The following ZEB2 variants were observed in gnomAD, a reference collection of about 807,000 sequenced individuals.
ZEB2 encodes zinc finger E-box-binding homeobox 2.
ZEB2 carries 6 observed loss-of-function variants against 99.9 expected under a neutral mutation model. The observed-to-expected ratio is 0.06, with a 90% CI of 0.03 to 0.12. The LOEUF (loss-of-function observed/expected upper bound fraction) is 0.12, where lower values mean the gene tolerates loss of function less well. ZEB2 is among the 10% of genes least tolerant of loss of function. ZEB2 has a pLI of 1.00. For synonymous variants in ZEB2, 517 were observed against 542.5 expected, an observed-to-expected ratio of 0.95 and a Z score of 0.65; for missense variants, 969 against 1,502.8, an observed-to-expected ratio of 0.64 and a Z score of 5.87.
At chr2:144,511,323 C>T (rs1419339880) in intron 2 of ZEB2, 3 of 1,078,760 alleles carry the variant, frequency 2.8e-6, no homozygotes, top group Non-Finnish European at 3.5e-6. Context: ...TTCTTACCTC[C>T]TCAGAGGAAA....
intron 2 of ZEB2, among the ~76,000 whole-genome samples, chr2:144,471,935 T>A (rs977294866): frequency 5.9e-5 from 9 of 152,132 alleles, no homozygotes; most frequent in African/African-American, 2.2e-4. Context: ...CGTAAATTAT[T>A]AACAAGTCAG....
At chr2:144,418,815 T>C (rs1703579863) in intron 4 of ZEB2, among the ~76,000 whole-genome samples, 1 of 151,822 alleles carries the variant, frequency 6.6e-6, no homozygotes, top group African/African-American at 2.4e-5. Flanking sequence ...CACAATGGAC[T>C]TTGGGGAAAT....
intron 2 of ZEB2, among the ~76,000 whole-genome samples, chr2:144,449,460 A>C (rs1244577315): frequency 2.6e-5 from 4 of 152,242 alleles, no homozygotes; most frequent in Non-Finnish European, 5.9e-5. Context: ...CCTAAAAAAC[A>C]ACAATGCTAA....
chr2:144,400,068 C>A lies in ZEB2; in HGVS notation c.1119G>T (p.Leu373Phe). ...ACATACTAAGTGGTTTTCCATTCTCCAACTTGTTTCTTAACTGGGTAATGG... is the reference window on the plus strand; with the variant it reads ...ACATACTAAGTGGTTTTCCATTCTCAAACTTGTTTCTTAACTGGGTAATGG... Reference protein sequence around the residue: ...NSAITQLRNKLENGKPLSMSE... With the variant: ...NSAITQLRNKFENGKPLSMSE... The change falls in exon 8 of 10, where the codon TTG becomes TTT. Residue 373 changes from leucine (L) to phenylalanine (F), a missense_variant. Transcript: ENST00000627532. 1 of 1,613,458 alleles carries A rather than the reference C, an allele frequency of 6.2e-7. No homozygotes were observed. Among genetic ancestry groups the A allele is most frequent in the Non-Finnish European group, 8.5e-7 (1 of 1,179,378 alleles).
chr2:144,479,819 C>T (rs780445571), intron 2 of ZEB2, among the ~76,000 whole-genome samples: 45 of 152,096 alleles, frequency 3.0e-4, no homozygotes, highest in Non-Finnish European at 5.0e-4. Flanking sequence ...CCACGCTAAC[C>T]CCAGGGCTCA....
Position 144,406,419 on chromosome 2 carries a change from T to C in ZEB2, c.404-1395A>G, listed in dbSNP as rs1329685227. Among the ~76,000 whole-genome samples the C allele has an allele frequency of 2.0e-5, 3 of 152,156 alleles. No homozygotes were observed. In the East Asian group the frequency reaches 5.8e-4, roughly 29 times the overall value. On this transcript the variant is annotated intron_variant, in intron 4 of 9. Transcript: ENST00000627532. The stretch of plus-strand genomic sequence containing the variant: ...AGATAAGTATTATGAAAGAAAGTTA[T>C]ATGGTGGTATAAAAAAAGTAACACA...
At chr2:144,502,624 G>A (rs1704889914) in intron 2 of ZEB2, among the ~76,000 whole-genome samples, 1 of 152,166 alleles carries the variant, frequency 6.6e-6, no homozygotes, top group Non-Finnish European at 1.5e-5. Context: ...AAAACCTGAA[G>A]AGTGGAAAGA....
chr2:144,518,534 C>T (rs554444100), intron 1 of ZEB2: 1 of 152,348 alleles, frequency 6.6e-6, no homozygotes, highest in African/African-American at 2.4e-5. Flanking sequence ...CGCCCCACAC[C>T]TATTGTCTCC....
At chr2:144,394,750 GA>G (rs1703198493) in intron 9 of ZEB2, among the ~76,000 whole-genome samples, 1 of 152,052 alleles carries the variant, frequency 6.6e-6, no homozygotes, top group Admixed American at 6.5e-5. Context: ...TAAAGAAAAA[GA>G]AAACTGTATT....
chr2:144,400,349 T>A lies in ZEB2; in HGVS notation c.917-79A>T, dbSNP rs1703293917. On this transcript the variant is annotated intron_variant, in intron 7 of 9. Coordinates refer to ENST00000627532, the MANE Select transcript of ZEB2 (RefSeq NM_014795.4). ...AATTGTCTACCAAGAGAAGAATCTG[T>A]GAAACCAAACAAAAGGAACACAATG... 2.6e-6 allele frequency: 4 copies of A among 1,513,476 alleles called. 1 individual carries two copies. The Admixed American group carries it at 7.4e-5, about 28-fold the overall frequency. The allele number at this position is 1,513,476 out of a possible 1,614,324, so 93.8% of individuals were successfully genotyped here.
intron 3 of ZEB2, chr2:144,426,707 T>A (rs1703694677): frequency 6.6e-6 from 1 of 152,184 alleles, no homozygotes; most frequent in Non-Finnish European, 1.5e-5. Flanking sequence ...ACCCTTTTTA[T>A]CCAAAGACTG....
chr2:144,396,506 G>C lies in ZEB2; in HGVS notation c.2973C>G (p.Ile991Met), dbSNP rs572507342. 5 of 1,613,974 alleles carry C rather than the reference G, an allele frequency of 3.1e-6. No individual in the cohort carries two copies. The highest frequency in any genetic ancestry group is 4.2e-6 in the Non-Finnish European group (5 of 1,180,000). The change falls in exon 9 of 10, where the codon ATC becomes ATG. Residue 991 changes from isoleucine (I) to methionine (M), a missense_variant. Ile to Met is a conservative substitution (Grantham distance 10, BLOSUM62 1). Transcript: ENST00000627532. ...CATACATGCCACTCTCTGTCTTCTT[G>C]ATCTTTTTGCGAGACAGACAGGAGT... ...DSDSCLSRKK[I>M]KKTESGMYAC...
intron 2 of ZEB2, among the ~76,000 whole-genome samples, chr2:144,515,792 A>C (rs1018681788): frequency 1.9e-5 from 2 of 106,884 alleles, no homozygotes; most frequent in Non-Finnish European, 4.3e-5. Context: ...CACACACACA[A>C]AACCTAGAGA....
At chr2:144,480,511 A>G (rs1275231378) in intron 2 of ZEB2, among the ~76,000 whole-genome samples, 3 of 152,170 alleles carry the variant, frequency 2.0e-5, no homozygotes, top group Non-Finnish European at 4.4e-5. Flanking sequence ...GGAAACAAAG[A>G]TGAGTGACTT....
At chr2:144,425,203 C>T (rs1177015944) in intron 3 of ZEB2, among the ~76,000 whole-genome samples, 2 of 152,170 alleles carry the variant, frequency 1.3e-5, no homozygotes, top group Admixed American at 1.3e-4. Flanking sequence ...AGTATTTGCA[C>T]TCATGAAGAG....
intron 2 of ZEB2, among the ~76,000 whole-genome samples, chr2:144,479,354 A>T (rs936254073): frequency 7.2e-5 from 11 of 152,062 alleles, no homozygotes; most frequent in African/African-American, 2.2e-4. Context: ...AGTAAAGCTC[A>T]ATTAGAAACT....
At position 144,398,231 on chromosome 2, in the gene ZEB2, T is replaced by C. The variant is rs1384150081; in HGVS notation, c.2886+70A>G. 14 of 1,588,124 alleles carry C rather than the reference T, an allele frequency of 8.8e-6. No homozygotes were observed. The Admixed American group carries it at 1.7e-4, about 20-fold the overall frequency. The stretch of plus-strand genomic sequence containing the variant: ...GAGTTTTTTCACTAAGATTTTTTTT[T>C]CCTACATGCACATAATCAAAATAAT... On this transcript the variant is annotated intron_variant, in intron 8 of 9. Coordinates refer to ENST00000627532, the MANE Select transcript of ZEB2 (RefSeq NM_014795.4).
At chr2:144,497,644 A>G (rs1303203667) in intron 2 of ZEB2, 1 of 166,840 alleles carries the variant, frequency 6.0e-6, no homozygotes, top group African/African-American at 2.4e-5. Flanking sequence ...TTGTAATAAT[A>G]GCAGAATGAA....
intron 4 of ZEB2, among the ~76,000 whole-genome samples, chr2:144,416,708 C>A (rs1703544360): frequency 6.6e-6 from 1 of 152,210 alleles, no homozygotes; most frequent in Non-Finnish European, 1.5e-5. Flanking sequence ...CCATCTTTCA[C>A]CCAGTCTCCT....
Sources: gnomAD v4.1 joint callset for allele counts (sites outside exome capture counted in the v4.1 genomes callset) on GRCh38, gnomAD v4.1.1 for gene constraint, MANE v1.5 for transcripts, NCBI Gene and HGNC (gene_info 2026-07-23, HGNC 2026-07-21) for gene names.